ATP1A4: variants seen among roughly 807,000 people sequenced by gnomAD.
ATP1A4 encodes ATPase Na+/K+ transporting subunit alpha 4.
Under a neutral mutation model 114.3 loss-of-function variants are expected in ATP1A4, and 90 were observed. The observed-to-expected ratio is 0.79, with a 90% CI of 0.66 to 0.94. ATP1A4 has a LOEUF of 0.94. ATP1A4 is among the 40% of genes least tolerant of loss of function. ATP1A4 has a pLI of 0.00. For synonymous variants in ATP1A4, 511 were observed against 494.1 expected (o/e 1.03, Z -0.45); for missense variants, 1,222 against 1,313.6 (o/e 0.93, Z 1.08).
In ATP1A4 at chr1:160,176,553, G is replaced by A. The variant is rs377251979; in HGVS notation, c.2541G>A (p.Thr847=). The change falls in exon 17 of 22, where the codon ACG becomes ACA. Residue 847 remains threonine (T), a synonymous_variant. Coordinates refer to ENST00000368081, the MANE Select transcript of ATP1A4 (RefSeq NM_144699.4). ...IMKRLPRNPK[T]DNLVNHRLIG... The stretch of plus-strand genomic sequence containing the variant: ...AGAGGCTTCCAAGGAACCCAAAGAC[G>A]GATAATCTGGTGAACCACCGTCTCA... 1.9e-5 allele frequency: 30 copies of A among 1,614,012 alleles called. No individual in the cohort carries two copies. Among genetic ancestry groups the A allele is most frequent in the Admixed American group, 6.7e-5 (4 of 59,998 alleles).
At chr1:160,176,741 A>T in intron 17 of ATP1A4, 139 bp downstream of exon 17, 3 of 1,161,066 alleles carry the variant, frequency 2.6e-6, no homozygotes, top group Non-Finnish European at 1.2e-6. Context: ...ACAAAGAACC[A>T]CTCATCTCTG....
At chr1:160,175,256 G>A (rs1448718950) in intron 15 of ATP1A4, among the ~76,000 whole-genome samples, 2 of 152,168 alleles carry the variant, frequency 1.3e-5, no homozygotes, top group East Asian at 1.9e-4. Flanking sequence ...CCTGCGAACA[G>A]GAGAGATCCA....
At chr1:160,184,851 G>A (rs1288467751) in intron 20 of ATP1A4, among the ~76,000 whole-genome samples, 3 of 152,088 alleles carry the variant, frequency 2.0e-5, no homozygotes, top group Non-Finnish European at 4.4e-5. Context: ...ATTATAAAAA[G>A]AGGTTGAGAA....
intron 10 of ATP1A4, among the ~76,000 whole-genome samples, chr1:160,167,917 C>A (rs774738606): frequency 1.3e-4 from 20 of 152,226 alleles, no homozygotes; most frequent in Non-Finnish European, 2.2e-4. Flanking sequence ...CCATTGGCGC[C>A]TGACCCTCTC....
rs780442630 is a variant in ATP1A4 at position 160,181,786 on chromosome 1, C to T, written c.2839C>T (p.Arg947Cys). ...WADLIISKTR[R>C]NSLFQQGMRN... Reference sequence around the variant, plus strand: ...GGATCTCATCATCTCCAAGACTCGCCGCAACTCACTTTTCCAGCAGGGCAT... The same window carrying T: ...GGATCTCATCATCTCCAAGACTCGCTGCAACTCACTTTTCCAGCAGGGCAT... The change falls in exon 19 of 22, where the codon CGC becomes TGC. Residue 947 changes from arginine to cysteine, a missense_variant. Coordinates refer to ENST00000368081, the MANE Select transcript of ATP1A4 (RefSeq NM_144699.4). 3.0e-5 allele frequency: 48 copies of T among 1,613,874 alleles called. No individual in the cohort carries two copies. The highest frequency in any genetic ancestry group is 3.7e-5 in the Non-Finnish European group (44 of 1,180,002).
intron 6 of ATP1A4, among the ~76,000 whole-genome samples, chr1:160,161,711 C>A (rs559209356): frequency 6.6e-6 from 1 of 152,274 alleles, no homozygotes; most frequent in East Asian, 1.9e-4. Flanking sequence ...CAATATATGC[C>A]TTTGGCAACC....
Position 160,177,620 on chromosome 1 carries a change from G to A in ATP1A4, c.2692G>A (p.Asp898Asn). The stretch of plus-strand genomic sequence containing the variant: ...GCTGGGCATCCGCCTCCACTGGGAA[G>A]ATAAATACTTGAATGACCTGGAGGA... The part of the protein sequence containing the change: ...DLLGIRLHWE[D>N]KYLNDLEDSY... The change falls in exon 18 of 22, where the codon GAT becomes AAT. Residue 898 changes from aspartate (D) to asparagine (N), a missense_variant. Asp to Asn is a conservative substitution (Grantham distance 23). Transcript: ENST00000368081. The A allele has an allele frequency of 6.2e-7, 1 of 1,614,220 alleles. No homozygotes were observed. Among genetic ancestry groups the A allele is most frequent in the Non-Finnish European group, 8.5e-7 (1 of 1,180,044 alleles).
intron 10 of ATP1A4, chr1:160,171,035 G>C (rs1186695): frequency 2.4e-5 from 11 of 466,974 alleles, no homozygotes; most frequent in Admixed American, 3.6e-5. Flanking sequence ...AGAAGATAAT[G>C]GAGATTCCTG....
In ATP1A4 at chr1:160,179,979, T is replaced by C. The variant is rs1341064080; in HGVS notation, c.2737-1705T>C. On this transcript the variant is annotated intron_variant, in intron 18 of 21. Coordinates refer to ENST00000368081, the MANE Select transcript of ATP1A4 (RefSeq NM_144699.4). ...TATTGGAAAGGATAATATCTAGAGT[T>C]TAAGGATGGGAGCAAGCAGCCCAGG... Among the ~76,000 whole-genome samples the C allele has an allele frequency of 2.0e-5, 3 of 152,076 alleles. No individual in the cohort carries two copies. The East Asian group carries it at 5.8e-4, about 29-fold the overall frequency.
chr1:160,186,464 T>TCTCCC, intron 21 of ATP1A4, 97 bp downstream of exon 21: 1 of 1,126,698 alleles, frequency 8.9e-7, no homozygotes, highest in Non-Finnish European at 1.3e-6. Flanking sequence ...CCACTGACTT[T>TCTCCC]CTCCCCTCCT....
At position 160,167,416 on chromosome 1, in the gene ATP1A4, C is replaced by T. The variant is rs1157973594; in HGVS notation, c.1491+4C>T. The T allele has an allele frequency of 6.2e-7, 1 of 1,611,134 alleles. No homozygotes were observed. Among genetic ancestry groups the T allele is most frequent in the Non-Finnish European group, 8.5e-7 (1 of 1,179,286 alleles). ...TAATTCTACCAACAAGTACCAGGTACAGAACCCACAAAGGTAGGAGAATGG... is the reference window on the plus strand; with the variant it reads ...TAATTCTACCAACAAGTACCAGGTATAGAACCCACAAAGGTAGGAGAATGG... On this transcript the variant is annotated splice_donor_region_variant and intron_variant, in intron 10 of 21. Transcript: ENST00000368081.
At chr1:160,164,567 T>G (rs1652970010) in intron 7 of ATP1A4, 143 bp downstream of exon 7, 1 of 880,026 alleles carries the variant, frequency 1.1e-6, no homozygotes, top group Non-Finnish European at 1.7e-6. Context: ...AATTTAGCTC[T>G]CAATATTACA....
At chr1:160,163,613 G>A (rs777254015) in intron 6 of ATP1A4, among the ~76,000 whole-genome samples, 5 of 152,170 alleles carry the variant, frequency 3.3e-5, no homozygotes, top group Non-Finnish European at 5.9e-5. Context: ...GCCCTCTCCT[G>A]TCCAGGGTGC....
At chr1:160,167,138 A>G in intron 9 of ATP1A4, 61 bp downstream of exon 9, 2 of 1,581,066 alleles carry the variant, frequency 1.3e-6, no homozygotes, top group Non-Finnish European at 1.7e-6. Flanking sequence ...ACCTCTCCCA[A>G]AAAATCCTCT....
At position 160,174,172 on chromosome 1, in the gene ATP1A4, G is replaced by C. The variant is rs144428770; in HGVS notation, c.2053G>C (p.Asp685His). Residue 685 changes from aspartate (D) to histidine (H), a missense_variant, in exon 14 of 22, where the codon GAT (aspartate) becomes CAT (histidine). By Grantham distance (81) the Asp-to-His change is moderately conservative (BLOSUM62 -1). Coordinates refer to ENST00000368081, the MANE Select transcript of ATP1A4 (RefSeq NM_144699.4). ...GAAGGACATACAGTCCAAGCAGCTTGATCAGATCCTCCAGAACCACCCTGA... is the reference window on the plus strand; with the variant it reads ...GAAGGACATACAGTCCAAGCAGCTTCATCAGATCCTCCAGAACCACCCTGA... ...ELKDIQSKQL[D>H]QILQNHPEIV... is the part of the protein sequence containing the mutation. 2,436 of 1,614,068 alleles carry C rather than the reference G, an allele frequency of 1.5e-3. 5 individuals carry two copies. Among genetic ancestry groups the C allele is most frequent in the Non-Finnish European group, 2.0e-3 (2,315 of 1,180,042 alleles).
chr1:160,164,233 G>A lies in ATP1A4; in HGVS notation c.856G>A (p.Ala286Thr), dbSNP rs752839307. Reference sequence around the variant, plus strand: ...AATTGCCTCCCTGACGTCAGGCCTGGCGGTTGGCCAGACACCTATCGCTGC... The same window carrying A: ...AATTGCCTCCCTGACGTCAGGCCTGACGGTTGGCCAGACACCTATCGCTGC... ...GRIASLTSGL[A>T]VGQTPIAAEI... The change falls in exon 7 of 22, where the codon GCG (alanine) becomes ACG (threonine). Residue 286 changes from alanine to threonine, a missense_variant. Coordinates refer to ENST00000368081, the MANE Select transcript of ATP1A4 (RefSeq NM_144699.4). The A allele has an allele frequency of 5.0e-6, 8 of 1,614,120 alleles. No individual in the cohort carries two copies. The highest frequency in any genetic ancestry group is 5.9e-6 in the Non-Finnish European group (7 of 1,180,050).
At position 160,174,626 on chromosome 1, in the gene ATP1A4, G is replaced by A. The variant is rs369878344; in HGVS notation, c.2190G>A (p.Ala730=). 28 of 1,614,042 alleles carry A rather than the reference G, an allele frequency of 1.7e-5. No individual in the cohort carries two copies. The highest frequency in any genetic ancestry group is 1.6e-4 in the Middle Eastern group (1 of 6,084). ...GTGACGGGGTGAACGACTCCCCTGC[G>A]CTGAAGAAGGCTGACATTGGCATTG... The part of the protein sequence containing the change: ...VTGDGVNDSP[A]LKKADIGIAM... Residue 730 remains alanine (A), a synonymous_variant, in exon 15 of 22, where the codon GCG becomes GCA. Transcript: ENST00000368081.
chr1:160,175,037 T>C (rs1339076301), intron 15 of ATP1A4, among the ~76,000 whole-genome samples: 1 of 152,200 alleles, frequency 6.6e-6, no homozygotes, highest in Non-Finnish European at 1.5e-5. Flanking sequence ...GTCCTCTCAC[T>C]GGACTTCAAG....
At chr1:160,167,175 G>C in intron 9 of ATP1A4, 98 bp downstream of exon 9, 1 of 1,563,746 alleles carries the variant, frequency 6.4e-7, no homozygotes, top group South Asian at 1.1e-5. Flanking sequence ...TTCCCCCCAG[G>C]TACCCGCCCT....
Sources: gnomAD v4.1 joint callset for allele counts (sites outside exome capture counted in the v4.1 genomes callset) on GRCh38, gnomAD v4.1.1 for gene constraint, MANE v1.5 for transcripts, NCBI Gene and HGNC (gene_info 2026-07-23, HGNC 2026-07-21) for gene names.